Variants in PTPN13 observed in about 807,000 individuals in gnomAD.
The protein encoded by PTPN13 is protein tyrosine phosphatase non-receptor type 13, also known as tyrosine-protein phosphatase non-receptor type 13.
In PTPN13, 191 loss-of-function variants were observed where a neutral mutation model predicts 284.0. The ratio of observed to expected loss-of-function variants is 0.67; its 90% CI spans 0.60 to 0.76. PTPN13 has a LOEUF of 0.76. PTPN13 is among the 30% of genes least tolerant of loss of function. PTPN13 has a pLI of 0.00. For synonymous variants in PTPN13, 986 were observed against 1,022.3 expected (o/e 0.96, Z 0.68); for missense variants, 2,797 against 2,939.9 (o/e 0.95, Z 1.12).
intron 40 of PTPN13, among the ~76,000 whole-genome samples, chr4:86,786,603 G>A (rs2149322253): frequency 6.6e-6 from 1 of 152,160 alleles, no homozygotes; most frequent in East Asian, 1.9e-4. Flanking sequence ...TTCGCTAGTG[G>A]TTTTTCTTAA....
At chr4:86,634,057 G>A (rs1033309666) in intron 1 of PTPN13, among the ~76,000 whole-genome samples, 12 of 152,124 alleles carry the variant, frequency 7.9e-5, no homozygotes. Flanking sequence ...GACAAGACTG[G>A]CCTCATTTAT....
At chr4:86,719,189 C>G (rs1353126986) in intron 9 of PTPN13, among the ~76,000 whole-genome samples, 1 of 152,100 alleles carries the variant, frequency 6.6e-6, no homozygotes, top group Non-Finnish European at 1.5e-5. Flanking sequence ...TTCAGAAGTT[C>G]TTATCATTTA....
At chr4:86,799,398 C>A (rs1565610068) in intron 42 of PTPN13, among the ~76,000 whole-genome samples, 194 bp downstream of exon 42, 2 of 123,354 alleles carry the variant, frequency 1.6e-5, no homozygotes, top group Non-Finnish European at 3.7e-5. Context: ...CCACCACCTC[C>A]CCAGTTCACT....
At chr4:86,609,666 CTCA>C (rs1394149647) in intron 1 of PTPN13, among the ~76,000 whole-genome samples, 2 of 152,032 alleles carry the variant, frequency 1.3e-5, no homozygotes, top group East Asian at 1.9e-4. Context: ...CTCAGATTAC[CTCA>C]TTAGTCAAAC....
At chr4:86,697,362 A>C (rs899176883) in intron 6 of PTPN13, among the ~76,000 whole-genome samples, 5 of 152,266 alleles carry the variant, frequency 3.3e-5, no homozygotes, top group Non-Finnish European at 7.4e-5. Flanking sequence ...AGATGTATGC[A>C]AATTTGGGGA....
chr4:86,748,932 G>A (rs1737086943), intron 17 of PTPN13, among the ~76,000 whole-genome samples: 2 of 152,198 alleles, frequency 1.3e-5, no homozygotes, highest in Admixed American at 6.5e-5. Flanking sequence ...TGGGATTACA[G>A]GCGTGAGCCA....
At chr4:86,605,894 A>G (rs1202039872) in intron 1 of PTPN13, among the ~76,000 whole-genome samples, 1 of 151,884 alleles carries the variant, frequency 6.6e-6, no homozygotes, top group Non-Finnish European at 1.5e-5. Flanking sequence ...TAAAGGATTT[A>G]TAGAGGCTTT....
At position 86,780,385 on chromosome 4, in the gene PTPN13, C is replaced by CT. The variant is rs749497750; in HGVS notation, c.5892-10dup. On this transcript the variant is annotated splice_polypyrimidine_tract_variant and intron_variant, in intron 35 of 47. Transcript: ENST00000411767. ...AATGTCCAAGACAATTTACAGTTGTCTTTTTTTACAACACAGAAATGATCT... is the reference window on the plus strand; with the variant it reads ...AATGTCCAAGACAATTTACAGTTGTCTTTTTTTTACAACACAGAAATGATCT... 10 of 1,596,744 alleles carry CT rather than the reference C, an allele frequency of 6.3e-6. No homozygotes were observed. Among genetic ancestry groups the CT allele is most frequent in the Admixed American group, 1.7e-5 (1 of 57,938 alleles).
intron 33 of PTPN13, among the ~76,000 whole-genome samples, chr4:86,774,863 A>C (rs1740442654): frequency 6.6e-6 from 1 of 152,072 alleles, no homozygotes; most frequent in Admixed American, 6.6e-5. Context: ...TCAGTAAGGC[A>C]TAAAACAAGC....
chr4:86,707,099 T>A (rs1297789222), intron 7 of PTPN13, among the ~76,000 whole-genome samples: 2 of 152,166 alleles, frequency 1.3e-5, no homozygotes, highest in African/African-American at 4.8e-5. Context: ...GATTCCTGAT[T>A]ATGAGAGATT....
At chr4:86,688,933 A>G in intron 4 of PTPN13, 72 bp from the exon 5 acceptor site, 1 of 1,238,898 alleles carries the variant, frequency 8.1e-7, no homozygotes, top group Non-Finnish European at 1.1e-6. Flanking sequence ...TGTGATTCCT[A>G]GAATGATTTG....
At chr4:86,684,733 G>A (rs1291953828) in intron 3 of PTPN13, among the ~76,000 whole-genome samples, 6 of 152,066 alleles carry the variant, frequency 3.9e-5, no homozygotes, top group East Asian at 1.9e-4. Context: ...AATAGGAGCC[G>A]AGTAAATAAA....
chr4:86,636,752 A>G (rs1028481541), intron 2 of PTPN13, among the ~76,000 whole-genome samples: 3 of 152,216 alleles, frequency 2.0e-5, no homozygotes, highest in Admixed American at 2.0e-4. Context: ...ACACCCTAAC[A>G]TCACAATTGA....
intron 2 of PTPN13, among the ~76,000 whole-genome samples, chr4:86,648,911 A>G (rs1041061123): frequency 1.3e-5 from 2 of 152,008 alleles, no homozygotes; most frequent in African/African-American, 4.8e-5. Context: ...TTTCTTTTTT[A>G]TACAAGTCAT....
intron 40 of PTPN13, among the ~76,000 whole-genome samples, chr4:86,794,090 G>C (rs1185117526): frequency 1.3e-5 from 2 of 152,020 alleles, no homozygotes; most frequent in African/African-American, 4.8e-5. Flanking sequence ...CAACAAAATA[G>C]ACTGCTAGCA....
Position 86,701,576 on chromosome 4 carries a change from T to C in PTPN13, c.970T>C (p.Cys324Arg), listed in dbSNP as rs368755954. The C allele has an allele frequency of 1.1e-5, 18 of 1,613,746 alleles. No homozygotes were observed. The African/African-American group carries it at 1.5e-4, about 13-fold the overall frequency. ...SSGETATYRR[C>R]HPEAVTVRTS... ...AGGAGAGACTGCCACATATCGTCGTTGTCACCCTGAGGCAGTAACAGTGCG... is the reference window on the plus strand; with the variant it reads ...AGGAGAGACTGCCACATATCGTCGTCGTCACCCTGAGGCAGTAACAGTGCG... Residue 324 changes from cysteine (C) to arginine (R), a missense_variant, in exon 7 of 48, where the codon TGT (cysteine) becomes CGT (arginine). Cys to Arg is a radical substitution (Grantham distance 180). Transcript: ENST00000411767.
At chr4:86,712,956 A>G (rs1184310356) in intron 7 of PTPN13, among the ~76,000 whole-genome samples, 1 of 152,106 alleles carries the variant, frequency 6.6e-6, no homozygotes, top group Admixed American at 6.6e-5. Flanking sequence ...AACAATTATA[A>G]AGTACCACCA....
chr4:86,714,030 A>G (rs1228765778), intron 7 of PTPN13, among the ~76,000 whole-genome samples: 1 of 151,126 alleles, frequency 6.6e-6, no homozygotes, highest in Non-Finnish European at 1.5e-5. Context: ...GTCACTCCCC[A>G]GTTTTAGATA....
chr4:86,753,182 T>A, intron 20 of PTPN13, 117 bp downstream of exon 20: 1 of 661,944 alleles, frequency 1.5e-6, no homozygotes, highest in Non-Finnish European at 2.4e-6. Context: ...GATCTTACAT[T>A]GAAGTTAAAG....
Sources: gnomAD v4.1 joint callset for allele counts (sites outside exome capture counted in the v4.1 genomes callset) on GRCh38, gnomAD v4.1.1 for gene constraint, MANE v1.5 for transcripts, NCBI Gene and HGNC (gene_info 2026-07-23, HGNC 2026-07-21) for gene names.